The following JAKMIP2 variants were observed in gnomAD, a reference collection of about 807,000 sequenced individuals.
The protein encoded by JAKMIP2 is janus kinase and microtubule-interacting protein 2.
JAKMIP2 carries 25 observed loss-of-function variants against 115.0 expected under a neutral mutation model. The observed-to-expected ratio is 0.22, with a 90% CI of 0.16 to 0.30. The LOEUF is 0.30. Ranked by LOEUF, JAKMIP2 falls within the 10% of genes least tolerant of loss-of-function variation. The pLI, the probability that JAKMIP2 is intolerant of heterozygous loss-of-function variation, is 1.00. For missense variants in JAKMIP2, 642 were observed against 957.6 expected (o/e 0.67, Z 4.35); for synonymous variants, 334 against 343.6 (o/e 0.97, Z 0.31).
chr5:147,753,812 A>ATT lies in JAKMIP2; in HGVS notation c.-149+28642_-149+28643dup, dbSNP rs34633628. Among the ~76,000 whole-genome samples, 370 of 141,494 alleles carry ATT rather than the reference A, an allele frequency of 2.6e-3. 5 individuals carry two copies. Among genetic ancestry groups the ATT allele is most frequent in the Middle Eastern group, 0.015 (4 of 266 alleles). 92.8% of individuals were successfully genotyped at this position (141,494 alleles called of 152,430 possible). A position where few individuals can be genotyped will look rare whatever the true frequency, so the allele number is the denominator to read the frequency against. ...TGTGCCTATGTGCTCAGCAGAATGT[A>ATT]TTTTTTTTTTTTTTTTGCTAAAGAT... On this transcript the variant is annotated intron_variant, in intron 1 of 21. Transcript: ENST00000616793.
Position 147,643,766 on chromosome 5 carries a change from A to G in JAKMIP2, c.1224+292T>C, listed in dbSNP as rs1260489102. ...TGCTACTGGAAGGCAGTTACAAGAC[A>G]CACCCAACCTACCTACAAACTTATA... is the stretch of plus-strand genomic sequence containing the variant. On this transcript the variant is annotated intron_variant, in intron 7 of 21. Transcript: ENST00000616793. Among the ~76,000 whole-genome samples the G allele has an allele frequency of 2.0e-5, 3 of 152,194 alleles. No individual in the cohort carries two copies. In the East Asian group the frequency reaches 5.8e-4, roughly 29 times the overall value.
chr5:147,635,397 TA>T (rs140337640), intron 12 of JAKMIP2, among the ~76,000 whole-genome samples: 8 of 151,254 alleles, frequency 5.3e-5, no homozygotes, highest in South Asian at 2.1e-4. Flanking sequence ...AGTATTCATC[TA>T]AAAAAAATCT....
chr5:147,636,292 A>G lies in JAKMIP2; in HGVS notation c.1615-8T>C. The G allele has an allele frequency of 1.2e-6, 2 of 1,612,672 alleles. No homozygotes were observed. Among genetic ancestry groups the G allele is most frequent in the African/African-American group, 2.7e-5 (2 of 75,034 alleles). On this transcript the variant is annotated splice_polypyrimidine_tract_variant and splice_region_variant and intron_variant, in intron 11 of 21. Coordinates refer to ENST00000616793, the MANE Select transcript of JAKMIP2 (RefSeq NM_001270941.2). ...TTCTACCCAGTGTGAATCCTGTTTG[A>G]CAAAGAATATCGCGCAGTCAGCATT... is the stretch of plus-strand genomic sequence containing the variant.
chr5:147,658,737 G>A (rs1758806939), intron 3 of JAKMIP2, among the ~76,000 whole-genome samples: 1 of 152,128 alleles, frequency 6.6e-6, no homozygotes, highest in Non-Finnish European at 1.5e-5. Context: ...CTAGTGAGGA[G>A]GACTCTAGAG....
In JAKMIP2 at chr5:147,782,715, G is replaced by A. The variant is rs563860111; in HGVS notation, c.-408C>T. The A allele has an allele frequency of 5.7e-5, 34 of 597,252 alleles. No individual in the cohort carries two copies. The African/African-American group carries it at 5.9e-4, about 10-fold the overall frequency. 37.0% of individuals were successfully genotyped at this position (597,252 alleles called of 1,614,324 possible). On this transcript the variant is annotated 5_prime_UTR_variant, in exon 1 of 22. Transcript: ENST00000616793. ...CAGTTGGGCCTCCTCCCTCTCGGAG[G>A]ATGGGGTGAGCTCGGAAGCAGCCAG...
intron 20 of JAKMIP2, 68 bp downstream of exon 20, chr5:147,612,238 A>C: frequency 1.9e-6 from 2 of 1,055,390 alleles, no homozygotes; most frequent in Non-Finnish European, 2.9e-6. Context: ...AAGAAAATAC[A>C]GTGAGCAAAA....
Position 147,640,899 on chromosome 5 carries a change from G to A in JAKMIP2, c.1282-76C>T, listed in dbSNP as rs1293243667. ...GTTGAACGTTAAAATACTGTCAACTGGCATACGTGTAAGTGAATATAGAAG... is the reference window on the plus strand; with the variant it reads ...GTTGAACGTTAAAATACTGTCAACTAGCATACGTGTAAGTGAATATAGAAG... On this transcript the variant is annotated intron_variant, in intron 8 of 21. Coordinates refer to ENST00000616793, the MANE Select transcript of JAKMIP2 (RefSeq NM_001270941.2). The A allele has an allele frequency of 2.3e-6, 3 of 1,320,920 alleles. No individual in the cohort carries two copies. The Admixed American group carries it at 5.7e-5, about 25-fold the overall frequency. 81.8% of individuals were successfully genotyped at this position (1,320,920 alleles called of 1,614,324 possible).
Position 147,623,774 on chromosome 5 carries a change from C to T in JAKMIP2, c.1996-85G>A. On this transcript the variant is annotated intron_variant, in intron 16 of 21. Transcript: ENST00000616793. ...GTGCCCCCATGAGGTGCTCCGTCTC[C>T]TCCCCTTATATCTCAGGAAGAAGAC... 5.2e-6 allele frequency: 4 copies of T among 775,262 alleles called. No individual in the cohort carries two copies. In the Admixed American group the frequency reaches 6.1e-5, roughly 12 times the overall value. The allele number at this position is 775,262 out of a possible 1,614,324, so 48.0% of individuals were successfully genotyped here. A position where few individuals can be genotyped will look rare whatever the true frequency, so the allele number is the denominator to read the frequency against.
At chr5:147,593,266 C>T (rs1438600723) in intron 21 of JAKMIP2, among the ~76,000 whole-genome samples, 1 of 152,210 alleles carries the variant, frequency 6.6e-6, no homozygotes, top group Non-Finnish European at 1.5e-5. Context: ...GAGTCTGGGC[C>T]TTGGCCAGAC....
At position 147,772,805 on chromosome 5, in the gene JAKMIP2, G is replaced by C. The variant is rs542824227; in HGVS notation, c.-149+9651C>G. Among the ~76,000 whole-genome samples, 267 of 151,982 alleles carry C rather than the reference G, an allele frequency of 1.8e-3. 1 individual carries two copies. The highest frequency in any genetic ancestry group is 6.8e-3 in the Middle Eastern group (2 of 294). On this transcript the variant is annotated intron_variant, in intron 1 of 21. Transcript: ENST00000616793. ...AAAATCGCTAATTGAATGGCTTTGG[G>C]TATAACATTTAACCTATCAAAGCTT...
At chr5:147,646,994 C>A (rs1386198349) in intron 5 of JAKMIP2, among the ~76,000 whole-genome samples, 2 of 151,718 alleles carry the variant, frequency 1.3e-5, no homozygotes, top group Non-Finnish European at 2.9e-5. Context: ...AAATTTTAAA[C>A]AAGATTATTA....
intron 1 of JAKMIP2, among the ~76,000 whole-genome samples, chr5:147,738,178 C>T (rs911337271): frequency 5.3e-5 from 8 of 151,962 alleles, no homozygotes; most frequent in African/African-American, 1.9e-4. Flanking sequence ...CCACTTAAAA[C>T]ACCAGCATTG....
chr5:147,707,098 A>ATTTATTTAATATATATTTATATATTAAGT (rs1752588903), intron 1 of JAKMIP2, among the ~76,000 whole-genome samples: 1 of 152,150 alleles, frequency 6.6e-6, no homozygotes, highest in South Asian at 2.1e-4. Context: ...AAATAATTCT[A>ATTTATTTAATATATATTTATATATTAAGT]GGTACTGTGT....
intron 1 of JAKMIP2, among the ~76,000 whole-genome samples, chr5:147,768,632 A>G (rs1210600156): frequency 1.3e-5 from 2 of 152,136 alleles, no homozygotes; most frequent in Admixed American, 1.3e-4. Flanking sequence ...TTGGTCAGAC[A>G]GTATTAAAAT....
chr5:147,742,155 A>ATATATATATATATATATATATATATTT lies in JAKMIP2; in HGVS notation c.-149+40300_-149+40301insAAATATATATATATATATATATATATA. Among the ~76,000 whole-genome samples, 9 of 108,900 alleles carry ATATATATATATATATATATATATATTT rather than the reference A, an allele frequency of 8.3e-5. No individual in the cohort carries two copies. In the East Asian group the frequency reaches 9.8e-4, roughly 12 times the overall value. 71.4% of individuals were successfully genotyped at this position (108,900 alleles called of 152,430 possible). A position where few individuals can be genotyped will look rare whatever the true frequency, so the allele number is the denominator to read the frequency against. Reference sequence around the variant, plus strand: ...TGTGGATCATTATATATATATATATATTTTTTTTACTATTGTATTGTATCT... The same window carrying ATATATATATATATATATATATATATTT: ...TGTGGATCATTATATATATATATATATATATATATATATATATATATATATTTTTTTTTTTACTATTGTATTGTATCT... On this transcript the variant is annotated intron_variant, in intron 1 of 21. Coordinates refer to ENST00000616793, the MANE Select transcript of JAKMIP2 (RefSeq NM_001270941.2).
chr5:147,759,695 G>A (rs1448677265), intron 1 of JAKMIP2, among the ~76,000 whole-genome samples: 2 of 152,256 alleles, frequency 1.3e-5, no homozygotes, highest in Non-Finnish European at 2.9e-5. Flanking sequence ...ACCTAATAAG[G>A]TAAGGAGAAG....
At chr5:147,631,727 A>T (rs994710844) in intron 13 of JAKMIP2, among the ~76,000 whole-genome samples, 8 of 152,214 alleles carry the variant, frequency 5.3e-5, no homozygotes, top group African/African-American at 1.9e-4. Context: ...GGTGTCATCC[A>T]TTCTTCCAAA....
At chr5:147,598,192 G>A (rs144076593) in intron 21 of JAKMIP2, among the ~76,000 whole-genome samples, 12 of 152,128 alleles carry the variant, frequency 7.9e-5, no homozygotes, top group African/African-American at 1.9e-4. Flanking sequence ...TTAGAGACGC[G>A]GTTTCACCAT....
chr5:147,777,214 T>C (rs991089991), intron 1 of JAKMIP2, among the ~76,000 whole-genome samples: 1 of 152,164 alleles, frequency 6.6e-6, no homozygotes, highest in African/African-American at 2.4e-5. Flanking sequence ...TCATATTTCC[T>C]GAATATAATG....
Sources: allele counts gnomAD v4.1 joint callset (sites outside exome capture counted in the v4.1 genomes callset), GRCh38; gene constraint gnomAD v4.1.1; transcripts MANE v1.5; gene names NCBI Gene and HGNC (gene_info 2026-07-23, HGNC 2026-07-21).